The following SYNDIG1 variants were observed in gnomAD, a reference collection of about 807,000 sequenced individuals.
The protein encoded by SYNDIG1 is synapse differentiation-inducing gene protein 1.
A neutral mutation model predicts 19.4 loss-of-function variants in SYNDIG1; 9 were observed. The observed-to-expected ratio is 0.46, with a 90% CI of 0.28 to 0.81. The LOEUF (loss-of-function observed/expected upper bound fraction) is 0.81. Among genes scored for constraint, SYNDIG1 ranks in the 30% least tolerant of loss-of-function variants. SYNDIG1 has a pLI of 0.12. For missense variants in SYNDIG1, 311 were observed against 343.3 expected (o/e 0.91, Z 0.74); for synonymous variants, 141 against 145.9 (o/e 0.97, Z 0.24).
intron 1 of SYNDIG1, among the ~76,000 whole-genome samples, chr20:24,492,749 C>T (rs554217364): frequency 8.3e-4 from 127 of 152,364 alleles, no homozygotes; most frequent in African/African-American, 2.9e-3. Flanking sequence ...ACCACCTGCA[C>T]GCCCATCCCC....
intron 2 of SYNDIG1, among the ~76,000 whole-genome samples, chr20:24,557,999 C>T (rs1192465212): frequency 1.3e-5 from 2 of 152,138 alleles, no homozygotes; most frequent in African/African-American, 4.8e-5. Flanking sequence ...AATCCGTCTC[C>T]CTGCAGACTA....
chr20:24,587,510 C>T (rs541867559), intron 3 of SYNDIG1, among the ~76,000 whole-genome samples: 2 of 152,244 alleles, frequency 1.3e-5, no homozygotes, highest in South Asian at 2.1e-4. Context: ...GTTTACAGCC[C>T]GCACCGCAGA....
intron 1 of SYNDIG1, among the ~76,000 whole-genome samples, chr20:24,486,205 G>T (rs2146275589): frequency 6.6e-6 from 1 of 152,342 alleles, no homozygotes; most frequent in South Asian, 2.1e-4. Flanking sequence ...TGGTTTGCTG[G>T]TGGGTGTGAG....
intron 1 of SYNDIG1, among the ~76,000 whole-genome samples, chr20:24,509,291 C>A (rs2056682728): frequency 6.6e-6 from 1 of 152,188 alleles, no homozygotes; most frequent in Admixed American, 6.5e-5. Context: ...TTTTTCTTTT[C>A]TCTGTCTACT....
At chr20:24,612,702 T>C (rs6049813) in intron 3 of SYNDIG1, among the ~76,000 whole-genome samples, 8,530 of 152,300 alleles carry the variant, frequency 0.056, 478 homozygotes, top group African/African-American at 0.14. Flanking sequence ...GCTCTTCATC[T>C]TCAAAAAGTG....
At chr20:24,534,120 T>C (rs559680573) in intron 1 of SYNDIG1, among the ~76,000 whole-genome samples, 2 of 152,276 alleles carry the variant, frequency 1.3e-5, no homozygotes, top group African/African-American at 4.8e-5. Context: ...CGAGAGCTTA[T>C]TACCCTAGGG....
intron 3 of SYNDIG1, among the ~76,000 whole-genome samples, chr20:24,631,269 A>G (rs957510343): frequency 2.0e-5 from 3 of 152,206 alleles, no homozygotes; most frequent in African/African-American, 7.2e-5. Flanking sequence ...GTGGCCTGGC[A>G]TCTTCCCTGC....
intron 2 of SYNDIG1, among the ~76,000 whole-genome samples, chr20:24,568,280 A>G (rs943616689): frequency 4.6e-5 from 7 of 152,200 alleles, no homozygotes; most frequent in African/African-American, 7.2e-5. Context: ...AAAGAAATAA[A>G]TGTGCTCATA....
At chr20:24,603,642 C>A (rs1297504887) in intron 3 of SYNDIG1, among the ~76,000 whole-genome samples, 1 of 152,178 alleles carries the variant, frequency 6.6e-6, no homozygotes, top group Non-Finnish European at 1.5e-5. Context: ...AGGGTCTGTC[C>A]ACTAACAGGG....
rs2056986576 is a variant in SYNDIG1 at position 24,520,758 on chromosome 20, T to C, written c.-78-22262T>C. Among the ~76,000 whole-genome samples the C allele has an allele frequency of 2.0e-5, 3 of 152,294 alleles. No individual in the cohort carries two copies. The South Asian group carries it at 6.2e-4, about 32-fold the overall frequency. On this transcript the variant is annotated intron_variant, in intron 1 of 3. Coordinates refer to ENST00000376862, the MANE Select transcript of SYNDIG1 (RefSeq NM_024893.3). ...ACTTGTGTATACTTGCACCTAACAA[T>C]GTTGGCTTGTACACCAACATTGTTA...
chr20:24,665,235 C>T (rs1052782667), intron 3 of SYNDIG1, 111 bp from the exon 4 acceptor site: 146 of 1,338,446 alleles, frequency 1.1e-4, no homozygotes, highest in Non-Finnish European at 1.4e-4. Context: ...CCTCAGCCTT[C>T]TCTGCATCAA....
chr20:24,597,769 C>G (rs1197467966), intron 3 of SYNDIG1, among the ~76,000 whole-genome samples: 1 of 152,192 alleles, frequency 6.6e-6, no homozygotes, highest in Non-Finnish European at 1.5e-5. Context: ...TGATATTTCT[C>G]CCTTTGGAAG....
intron 3 of SYNDIG1, among the ~76,000 whole-genome samples, chr20:24,661,390 A>AGGG (rs2059587724): frequency 5.7e-5 from 1 of 17,618 alleles, no homozygotes; most frequent in Non-Finnish European, 1.1e-4. Context: ...GAGGGAGGAA[A>AGGG]GAGGGAGGAG....
At chr20:24,483,010 T>G (rs1263765780) in intron 1 of SYNDIG1, among the ~76,000 whole-genome samples, 1 of 152,266 alleles carries the variant, frequency 6.6e-6, no homozygotes, top group Non-Finnish European at 1.5e-5. Context: ...AAATATGTGT[T>G]GTTTTTGCAA....
intron 2 of SYNDIG1, among the ~76,000 whole-genome samples, chr20:24,571,805 T>G (rs1466215598): frequency 3.3e-5 from 5 of 152,210 alleles, no homozygotes; most frequent in Non-Finnish European, 7.3e-5. Context: ...CTTTTGAAAT[T>G]GACCCATTGA....
chr20:24,517,722 A>G (rs2056913495), intron 1 of SYNDIG1, among the ~76,000 whole-genome samples: 1 of 145,624 alleles, frequency 6.9e-6, no homozygotes, highest in African/African-American at 2.5e-5. Flanking sequence ...ATATATGTGT[A>G]TGTATATATA....
At chr20:24,511,930 C>T (rs1345343657) in intron 1 of SYNDIG1, among the ~76,000 whole-genome samples, 1 of 151,624 alleles carries the variant, frequency 6.6e-6, no homozygotes, top group Non-Finnish European at 1.5e-5. Context: ...AACTCATCAC[C>T]TGTAATATTA....
At chr20:24,557,375 G>A (rs1161762751) in intron 2 of SYNDIG1, among the ~76,000 whole-genome samples, 1 of 152,212 alleles carries the variant, frequency 6.6e-6, no homozygotes, top group African/African-American at 2.4e-5. Flanking sequence ...GAGGAGGAGA[G>A]GCGCTCTGCT....
At chr20:24,633,094 C>G (rs547701222) in intron 3 of SYNDIG1, among the ~76,000 whole-genome samples, 1 of 152,100 alleles carries the variant, frequency 6.6e-6, no homozygotes, top group Non-Finnish European at 1.5e-5. Flanking sequence ...ATGGGCAGAC[C>G]GTGTCGAATC....
Sources: gnomAD v4.1 joint callset for allele counts (sites outside exome capture counted in the v4.1 genomes callset) on GRCh38, gnomAD v4.1.1 for gene constraint, MANE v1.5 for transcripts, NCBI Gene and HGNC (gene_info 2026-07-23, HGNC 2026-07-21) for gene names.